Variants in PCDH9 observed in about 807,000 individuals in gnomAD.
The protein encoded by PCDH9 is protocadherin-9.
PCDH9 carries 24 observed loss-of-function variants against 70.6 expected under a neutral mutation model. The ratio of observed to expected loss-of-function variants is 0.34; its 90% CI spans 0.25 to 0.48. The LOEUF is 0.48. Ranked by LOEUF, PCDH9 falls within the 20% of genes least tolerant of loss-of-function variation. The pLI is 0.99. For missense variants in PCDH9, 1,281 were observed against 1,503.6 expected (o/e 0.85, Z 2.45); for synonymous variants, 562 against 558.5 (o/e 1.01, Z -0.09).
chr13:67,109,071 A>G (rs186581310), intron 2 of PCDH9, among the ~76,000 whole-genome samples: 80 of 152,280 alleles, frequency 5.3e-4, no homozygotes, highest in African/African-American at 1.8e-3. Context: ...ATAAATGTAC[A>G]TATTTTATAA....
chr13:66,420,042 A>G (rs1480687870), intron 4 of PCDH9, among the ~76,000 whole-genome samples: 3 of 152,082 alleles, frequency 2.0e-5, no homozygotes, highest in Non-Finnish European at 4.4e-5. Context: ...CTCAAAGTGG[A>G]AACAAAGCCA....
At chr13:66,671,684 G>T (rs2078177435) in intron 3 of PCDH9, among the ~76,000 whole-genome samples, 1 of 152,128 alleles carries the variant, frequency 6.6e-6, no homozygotes, top group Admixed American at 6.6e-5. Flanking sequence ...TGAACTTGAG[G>T]AGTTGATTTA....
At chr13:66,506,781 C>A (rs149775446) in intron 4 of PCDH9, among the ~76,000 whole-genome samples, 22 of 152,278 alleles carry the variant, frequency 1.4e-4, no homozygotes, top group Admixed American at 2.6e-4. Flanking sequence ...TAGGTTTAGA[C>A]GCTCACATAA....
At chr13:66,867,228 AT>A (rs2081592338) in intron 3 of PCDH9, among the ~76,000 whole-genome samples, 1 of 152,138 alleles carries the variant, frequency 6.6e-6, no homozygotes, top group African/African-American at 2.4e-5. Flanking sequence ...TTAAGTTAAA[AT>A]CCCATTATAC....
chr13:66,730,706 T>A (rs1593966112), intron 3 of PCDH9, among the ~76,000 whole-genome samples: 1 of 141,592 alleles, frequency 7.1e-6, no homozygotes, highest in East Asian at 2.1e-4. Context: ...TGAGACAGAG[T>A]CTTGCTTTGT....
At chr13:66,893,382 C>T (rs182773822) in intron 3 of PCDH9, among the ~76,000 whole-genome samples, 191 of 152,232 alleles carry the variant, frequency 1.3e-3, no homozygotes, top group Admixed American at 2.5e-3. Context: ...TGTCAGAAGC[C>T]TTAGATTAGT....
At chr13:66,734,073 G>C (rs1466147468) in intron 3 of PCDH9, among the ~76,000 whole-genome samples, 1 of 152,086 alleles carries the variant, frequency 6.6e-6, no homozygotes, top group Admixed American at 6.6e-5. Flanking sequence ...ACAGTCTTTG[G>C]ATATTGGCTA....
chr13:66,482,664 T>C (rs1958863002), intron 4 of PCDH9, among the ~76,000 whole-genome samples: 1 of 152,192 alleles, frequency 6.6e-6, no homozygotes, highest in Non-Finnish European at 1.5e-5. Flanking sequence ...AAGTATTGCA[T>C]CTACAAAAAG....
chr13:66,351,830 T>G (rs1956296565), intron 4 of PCDH9, among the ~76,000 whole-genome samples: 1 of 120,474 alleles, frequency 8.3e-6, no homozygotes, highest in Non-Finnish European at 1.8e-5. Flanking sequence ...CCTTTTTTTT[T>G]TCTTTTCTTT....
intron 2 of PCDH9, among the ~76,000 whole-genome samples, chr13:67,184,839 T>G (rs769279703): frequency 1.3e-5 from 2 of 152,232 alleles, no homozygotes; most frequent in Admixed American, 6.5e-5. Flanking sequence ...AGTTTTTCAC[T>G]ATTTTCTATT....
chr13:66,450,233 C>T (rs1317064177), intron 4 of PCDH9, among the ~76,000 whole-genome samples: 4 of 152,042 alleles, frequency 2.6e-5, no homozygotes, highest in Non-Finnish European at 4.4e-5. Flanking sequence ...AATTTATTGC[C>T]ATTTTGCACC....
intron 3 of PCDH9, among the ~76,000 whole-genome samples, chr13:66,762,422 C>G (rs922604001): frequency 6.6e-6 from 1 of 151,986 alleles, no homozygotes; most frequent in African/African-American, 2.4e-5. Flanking sequence ...GTGGTGGGCC[C>G]AGTGTTAAGG....
chr13:66,555,093 C>T (rs1463200185), intron 4 of PCDH9, among the ~76,000 whole-genome samples: 6 of 151,960 alleles, frequency 3.9e-5, no homozygotes, highest in African/African-American at 7.2e-5. Context: ...TGCTTGAACC[C>T]GGGAGGCGGA....
At chr13:66,730,498 A>G (rs914840479) in intron 3 of PCDH9, among the ~76,000 whole-genome samples, 6 of 151,932 alleles carry the variant, frequency 3.9e-5, no homozygotes, top group Non-Finnish European at 7.4e-5. Context: ...TTTGATCTGT[A>G]TTCCTTTAAT....
intron 4 of PCDH9, among the ~76,000 whole-genome samples, chr13:66,422,187 T>C (rs1244546303): frequency 3.3e-5 from 5 of 152,160 alleles, no homozygotes; most frequent in African/African-American, 1.2e-4. Flanking sequence ...CAAAGAGACT[T>C]AGACTCCCAT....
intron 4 of PCDH9, among the ~76,000 whole-genome samples, chr13:66,382,787 T>TC (rs1329538368): frequency 2.6e-5 from 4 of 152,262 alleles, no homozygotes; most frequent in Non-Finnish European, 1.5e-5. Context: ...TCCTAGCACT[T>TC]TGGAAGGCCG....
intron 3 of PCDH9, among the ~76,000 whole-genome samples, chr13:66,779,815 A>ATCTCTCTCTCTCTCTCTC (rs1225450927): frequency 9.9e-6 from 1 of 100,906 alleles, no homozygotes. Flanking sequence ...GCGAGACTCC[A>ATCTCTCTCTCTCTCTCTC]TCTCTCTCTC....
At chr13:66,491,686 G>T (rs1482467264) in intron 4 of PCDH9, among the ~76,000 whole-genome samples, 2 of 151,904 alleles carry the variant, frequency 1.3e-5, no homozygotes, top group African/African-American at 2.4e-5. Context: ...TATTCCTTTT[G>T]TTATATTATC....
At chr13:67,023,032 C>A (rs2139865273) in intron 2 of PCDH9, among the ~76,000 whole-genome samples, 1 of 152,314 alleles carries the variant, frequency 6.6e-6, no homozygotes, top group African/African-American at 2.4e-5. Flanking sequence ...CCAATCACTG[C>A]AATGCAGTTT....
Sources: gnomAD v4.1 joint callset for allele counts (sites outside exome capture counted in the v4.1 genomes callset) on GRCh38, gnomAD v4.1.1 for gene constraint, MANE v1.5 for transcripts, NCBI Gene and HGNC (gene_info 2026-07-23, HGNC 2026-07-21) for gene names.